Variants in SNPH observed in about 807,000 individuals in gnomAD.
SNPH encodes syntaphilin.
In SNPH, 10 loss-of-function variants were observed where a neutral mutation model predicts 36.8. The observed-to-expected ratio is 0.27, with a 90% confidence interval of 0.17 to 0.46. SNPH has a LOEUF of 0.46. SNPH is among the 20% of genes least tolerant of loss of function. The pLI is 1.00. For synonymous variants in SNPH, 281 were observed against 312.2 expected, an observed-to-expected ratio of 0.90 and a Z score of 1.05; for missense variants, 622 against 744.0, an observed-to-expected ratio of 0.84 and a Z score of 1.91.
At chr20:1,272,615 C>T (rs1328083714) in intron 2 of SNPH, among the ~76,000 whole-genome samples, 2 of 152,218 alleles carry the variant, frequency 1.3e-5, no homozygotes, top group African/African-American at 4.8e-5. Flanking sequence ...ATGTGACCGG[C>T]CATCCGTCTG....
Position 1,296,132 on chromosome 20 carries a change from G to A in SNPH, c.-108G>A, listed in dbSNP as rs1294743470. The A allele has an allele frequency of 3.2e-6, 3 of 934,106 alleles. No individual in the cohort carries two copies. Among genetic ancestry groups the A allele is most frequent in the Admixed American group, 3.6e-5 (1 of 27,696 alleles). The allele number at this position is 934,106 out of a possible 1,614,324, so 57.9% of individuals were successfully genotyped here. Reference sequence around the variant, plus strand: ...CCTGACAGTTGTGGTTTTAAGTTGGGTGGTGGGAACCTGTGCACCAGCCCT... The same window carrying A: ...CCTGACAGTTGTGGTTTTAAGTTGGATGGTGGGAACCTGTGCACCAGCCCT... On this transcript the variant is annotated 5_prime_UTR_variant, in exon 4 of 7. The change creates a new upstream start codon in the 5' untranslated region. Transcript: ENST00000381867.
At chr20:1,267,402 G>A (rs1367631843) in intron 2 of SNPH, among the ~76,000 whole-genome samples, 5 of 152,140 alleles carry the variant, frequency 3.3e-5, no homozygotes, top group African/African-American at 9.7e-5. Flanking sequence ...AAGAGAGGCC[G>A]GTCACATGCT....
chr20:1,287,561 T>C (rs1449341688), intron 2 of SNPH, among the ~76,000 whole-genome samples: 1 of 152,210 alleles, frequency 6.6e-6, no homozygotes, highest in Non-Finnish European at 1.5e-5. Flanking sequence ...AGTTTCTTTC[T>C]CTATAGAATG....
chr20:1,303,194 A>G (rs2088524882), intron 6 of SNPH, among the ~76,000 whole-genome samples: 1 of 152,354 alleles, frequency 6.6e-6, no homozygotes. Context: ...CCTCAAAGAC[A>G]CCATGGCTTT....
At chr20:1,290,629 A>T (rs1323132) in intron 2 of SNPH, among the ~76,000 whole-genome samples, 30 of 152,176 alleles carry the variant, frequency 2.0e-4, no homozygotes, top group African/African-American at 6.5e-4. Context: ...TTAGCTATTA[A>T]GAATAGTGCT....
chr20:1,293,905 C>T (rs2088395196), intron 2 of SNPH, among the ~76,000 whole-genome samples: 1 of 152,192 alleles, frequency 6.6e-6, no homozygotes, highest in Non-Finnish European at 1.5e-5. Flanking sequence ...AGCTCCAAGA[C>T]AAACCAGGCA....
intron 2 of SNPH, among the ~76,000 whole-genome samples, chr20:1,274,288 T>C (rs1011289848): frequency 2.0e-5 from 3 of 151,518 alleles, no homozygotes; most frequent in African/African-American, 4.9e-5. Context: ...GAGAGATAGA[T>C]ACCAGACCAG....
At chr20:1,288,223 C>T (rs1411047498) in intron 2 of SNPH, among the ~76,000 whole-genome samples, 4 of 152,188 alleles carry the variant, frequency 2.6e-5, no homozygotes, top group Non-Finnish European at 4.4e-5. Context: ...AGATCTCCTT[C>T]GACAGGTAAT....
At position 1,304,430 on chromosome 20, in the gene SNPH, A is replaced by G. The variant is rs1212955447; in HGVS notation, c.441-448A>G. ...GCTTTAGTAGGTAGTAGGAGGCTAC[A>G]TCACTTTCTATAGAGCAGAGATTTC... On this transcript the variant is annotated intron_variant, in intron 6 of 6. Transcript: ENST00000381867. The surrounding 1 kb of genome is among the most constrained non-coding windows in gnomAD (Gnocchi z 4.3). Among the ~76,000 whole-genome samples, 2 of 152,198 alleles carry G rather than the reference A, an allele frequency of 1.3e-5. No individual in the cohort carries two copies. Among genetic ancestry groups the G allele is most frequent in the East Asian group, 3.8e-4 (2 of 5,198 alleles).
chr20:1,300,037 AGT>A (rs2088485567), intron 5 of SNPH, among the ~76,000 whole-genome samples: 1 of 152,126 alleles, frequency 6.6e-6, no homozygotes, highest in Admixed American at 6.5e-5. Flanking sequence ...TGTGGGGGTG[AGT>A]CCTTGTCTGC....
chr20:1,266,587 C>A lies in SNPH; in HGVS notation c.-599-67C>A. On this transcript the variant is annotated intron_variant, in intron 1 of 6. Transcript: ENST00000381867. This position sits in a 1 kb window ranked among gnomAD's most constrained non-coding sequence, Gnocchi z 6.0. ...GCCCAGCTGTCAGCGGCCGGGGGCTCAGCTGCCTGGGTGTTCCCCGCCCGC... is the reference window on the plus strand; with the variant it reads ...GCCCAGCTGTCAGCGGCCGGGGGCTAAGCTGCCTGGGTGTTCCCCGCCCGC... The A allele has an allele frequency of 7.1e-7, 1 of 1,409,696 alleles. No homozygotes were observed. The highest frequency in any genetic ancestry group is 9.2e-7 in the Non-Finnish European group (1 of 1,089,000). The allele number at this position is 1,409,696 out of a possible 1,614,324, so 87.3% of individuals were successfully genotyped here.
chr20:1,295,982 C>T lies in SNPH; in HGVS notation c.-258C>T, dbSNP rs919617222. 6 of 451,324 alleles carry T rather than the reference C, an allele frequency of 1.3e-5. No homozygotes were observed. Among genetic ancestry groups the T allele is most frequent in the South Asian group, 4.6e-5 (1 of 21,598 alleles). The allele number at this position is 451,324 out of a possible 1,614,324, so 28.0% of individuals were successfully genotyped here. A position where few individuals can be genotyped will look rare whatever the true frequency, so the allele number is the denominator to read the frequency against. ...GGCCTGGCTCGTAGAGTAGAAGACT[C>T]GGTGCCGGCAGTCAGGAGGCCCTGC... On this transcript the variant is annotated 5_prime_UTR_variant, in exon 4 of 7. Coordinates refer to ENST00000381867, the MANE Select transcript of SNPH (RefSeq NM_001318234.2).
intron 2 of SNPH, among the ~76,000 whole-genome samples, chr20:1,270,645 TA>T (rs2088062004): frequency 1.3e-5 from 2 of 152,206 alleles, no homozygotes; most frequent in South Asian, 4.1e-4. Context: ...TTGTCCCAGG[TA>T]GACCAGAACC....
At position 1,266,818 on chromosome 20, in the gene SNPH, G is replaced by C; in HGVS notation, c.-493+58G>C. On this transcript the variant is annotated intron_variant, in intron 2 of 6. Transcript: ENST00000381867. The surrounding 1 kb of genome is among the most constrained non-coding windows in gnomAD (Gnocchi z 6.0). ...CCTGCGCTGCACCGCGGCAGGTGGG[G>C]GCCGCTTGCAACCGCTCGCTGCGGT... 2 of 1,305,208 alleles carry C rather than the reference G, an allele frequency of 1.5e-6. No individual in the cohort carries two copies. The highest frequency in any genetic ancestry group is 1.9e-6 in the Non-Finnish European group (2 of 1,026,454). 80.9% of individuals were successfully genotyped at this position (1,305,208 alleles called of 1,614,324 possible). A position where few individuals can be genotyped will look rare whatever the true frequency, so the allele number is the denominator to read the frequency against.
chr20:1,297,029 C>T, intron 4 of SNPH, 116 bp from the exon 5 acceptor site: 1 of 1,465,864 alleles, frequency 6.8e-7, no homozygotes, highest in Non-Finnish European at 9.1e-7. Flanking sequence ...CTTCTCTCCC[C>T]TGTGGTGACC....
chr20:1,300,169 G>C (rs1032622925), intron 5 of SNPH, among the ~76,000 whole-genome samples: 1 of 152,190 alleles, frequency 6.6e-6, no homozygotes, highest in East Asian at 1.9e-4. Flanking sequence ...TGAGGGGCTC[G>C]GGGCAAGAGC....
At chr20:1,300,800 G>C in intron 6 of SNPH, 89 bp downstream of exon 6, 1 of 1,326,832 alleles carries the variant, frequency 7.5e-7, no homozygotes, top group Non-Finnish European at 1.0e-6. Flanking sequence ...CTTGGAGGGA[G>C]GAGTGGCTGG....
At chr20:1,268,828 C>T (rs1448620239) in intron 2 of SNPH, among the ~76,000 whole-genome samples, 2 of 152,138 alleles carry the variant, frequency 1.3e-5, no homozygotes, top group Admixed American at 6.5e-5. Flanking sequence ...TGTAGGACAT[C>T]GTCCAGGTTG....
At position 1,304,735 on chromosome 20, in the gene SNPH, G is replaced by A. The variant is rs529872217; in HGVS notation, c.441-143G>A. ...CCCCACTATAATAAGAAGGCATTGA[G>A]TTTGTCCTTCTGTTTTGGGTTCTGA... On this transcript the variant is annotated intron_variant, in intron 6 of 6. Transcript: ENST00000381867. This position sits in a 1 kb window ranked among gnomAD's most constrained non-coding sequence, Gnocchi z 4.3. 172 of 703,702 alleles carry A rather than the reference G, an allele frequency of 2.4e-4. 1 individual carries two copies. The East Asian group carries it at 4.5e-3, about 18-fold the overall frequency. 43.6% of individuals were successfully genotyped at this position (703,702 alleles called of 1,614,324 possible). A position where few individuals can be genotyped will look rare whatever the true frequency, so the allele number is the denominator to read the frequency against.
Sources: allele counts gnomAD v4.1 joint callset (sites outside exome capture counted in the v4.1 genomes callset), GRCh38; gene constraint gnomAD v4.1.1; non-coding constraint Gnocchi (gnomAD v3.1); transcripts MANE v1.5; gene names NCBI Gene and HGNC (gene_info 2026-07-23, HGNC 2026-07-21).